Variants in COL24A1 observed in about 807,000 individuals in gnomAD.
COL24A1 encodes collagen type XXIV alpha 1 chain, also known as collagen alpha-1(XXIV) chain.
A neutral mutation model predicts 253.9 loss-of-function variants in COL24A1; 224 were observed. The ratio of observed to expected loss-of-function variants is 0.88; its 90% CI spans 0.79 to 0.99. The LOEUF is 0.99. Among genes scored for constraint, COL24A1 ranks in the 50% least tolerant of loss-of-function variants. COL24A1 has a pLI of 0.00. For missense variants in COL24A1, 2,131 were observed against 2,068.5 expected (o/e 1.03, Z -0.59); for synonymous variants, 685 against 673.7 (o/e 1.02, Z -0.26).
chr1:86,111,026 C>T (rs1234107676), intron 5 of COL24A1, among the ~76,000 whole-genome samples: 1 of 152,212 alleles, frequency 6.6e-6, no homozygotes, highest in Non-Finnish European at 1.5e-5. Flanking sequence ...ATGGTGGGGA[C>T]TTGGAGAACT....
At chr1:86,104,119 A>G (rs912991784) in intron 5 of COL24A1, among the ~76,000 whole-genome samples, 8 of 151,766 alleles carry the variant, frequency 5.3e-5, no homozygotes, top group Admixed American at 2.6e-4. Context: ...TGACTGTCTT[A>G]TTTCAGAAAG....
At chr1:85,748,556 C>T (rs561985467) in intron 55 of COL24A1, among the ~76,000 whole-genome samples, 5 of 152,048 alleles carry the variant, frequency 3.3e-5, no homozygotes, top group South Asian at 2.1e-4. Flanking sequence ...GGAACAGCTC[C>T]GGTCTACAGC....
At chr1:86,066,136 G>C (rs1194044392) in intron 7 of COL24A1, among the ~76,000 whole-genome samples, 1 of 151,556 alleles carries the variant, frequency 6.6e-6, no homozygotes, top group African/African-American at 2.4e-5. Context: ...TCATATTACA[G>C]TACCTAGTTT....
Position 85,734,756 on chromosome 1 carries a change from T to C in COL24A1, c.4991A>G (p.Asp1664Gly). The C allele has an allele frequency of 6.2e-7, 1 of 1,613,936 alleles. No homozygotes were observed. Residue 1664 changes from aspartate to glycine, a missense_variant, in exon 59 of 60, where the codon GAC becomes GGC. Asp to Gly is a moderately conservative substitution (Grantham distance 94). Transcript: ENST00000370571. Reference protein sequence around the residue: ...TLLEPKVLSDDCKIQDGSWHK... With the variant: ...TLLEPKVLSDGCKIQDGSWHK... Reference sequence around the variant, plus strand: ...AAAGTGCCATTTCCTTACCTTGCAGTCATCTGAAAGCACTTTAGGTTCAAG... The same window carrying C: ...AAAGTGCCATTTCCTTACCTTGCAGCCATCTGAAAGCACTTTAGGTTCAAG...
chr1:85,906,185 T>C (rs1684796029), intron 28 of COL24A1, among the ~76,000 whole-genome samples: 2 of 149,400 alleles, frequency 1.3e-5, no homozygotes, highest in African/African-American at 4.9e-5. Context: ...AAACACAGGA[T>C]ATGACTTTGA....
intron 2 of COL24A1, among the ~76,000 whole-genome samples, chr1:86,139,145 G>A (rs1650704355): frequency 7.3e-6 from 1 of 137,868 alleles, no homozygotes; most frequent in African/African-American, 2.6e-5. Flanking sequence ...GTTATCACAA[G>A]TTAGAATAAA....
chr1:85,754,649 T>C (rs1666016005), intron 55 of COL24A1, among the ~76,000 whole-genome samples: 1 of 144,148 alleles, frequency 6.9e-6, no homozygotes, highest in Non-Finnish European at 1.5e-5. Context: ...AAGAACCAAA[T>C]AGAAATTCTG....
chr1:86,156,708 G>A lies in COL24A1; in HGVS notation c.-312C>T, dbSNP rs1653676428. 1 of 253,644 alleles carries A rather than the reference G, an allele frequency of 3.9e-6. No homozygotes were observed. The highest frequency in any genetic ancestry group is 2.2e-5 in the African/African-American group (1 of 44,736). The allele number at this position is 253,644 out of a possible 1,614,324, so 15.7% of individuals were successfully genotyped here. ...GGCCTCGGGGCGCCGGCGGCAGCGG[G>A]AGCCGGGCTGCTAGTGCAGCACTCA... On this transcript the variant is annotated 5_prime_UTR_variant, in exon 1 of 60. Coordinates refer to ENST00000370571, the MANE Select transcript of COL24A1 (RefSeq NM_152890.7).
chr1:86,046,923 T>C (rs190145605), intron 11 of COL24A1, 54 bp from the exon 12 acceptor site: 1 of 981,708 alleles, frequency 1.0e-6, no homozygotes, highest in African/African-American at 1.6e-5. Context: ...AATTAGGTAC[T>C]ATAGATCTTT....
intron 5 of COL24A1, among the ~76,000 whole-genome samples, chr1:86,102,038 G>A (rs1487808587): frequency 6.6e-6 from 1 of 151,406 alleles, no homozygotes; most frequent in Admixed American, 6.6e-5. Context: ...ACCAAAAAAA[G>A]GCTATTTATT....
At chr1:86,017,275 T>C in intron 18 of COL24A1, 71 bp from the exon 19 acceptor site, 1 of 1,293,180 alleles carries the variant, frequency 7.7e-7, no homozygotes, top group Non-Finnish European at 1.1e-6. Flanking sequence ...GAAACAGGCA[T>C]ATGGTAAACA....
At chr1:85,866,974 C>T (rs983230487) in intron 37 of COL24A1, among the ~76,000 whole-genome samples, 2 of 152,140 alleles carry the variant, frequency 1.3e-5, no homozygotes, top group African/African-American at 4.8e-5. Flanking sequence ...GGTTTATCTT[C>T]ATTCTTCAAA....
intron 52 of COL24A1, among the ~76,000 whole-genome samples, chr1:85,780,558 T>A (rs988283646): frequency 2.0e-5 from 3 of 152,164 alleles, no homozygotes; most frequent in African/African-American, 7.2e-5. Flanking sequence ...GAAAGAGCGC[T>A]GGTCTTGAAG....
chr1:86,115,588 G>A (rs576611053), intron 3 of COL24A1, among the ~76,000 whole-genome samples: 2 of 152,304 alleles, frequency 1.3e-5, no homozygotes, highest in South Asian at 4.1e-4. Flanking sequence ...AGAAATGGCA[G>A]CAGGAAGTCT....
intron 53 of COL24A1, among the ~76,000 whole-genome samples, chr1:85,764,794 T>G (rs1164128165): frequency 6.6e-6 from 1 of 152,128 alleles, no homozygotes; most frequent in Non-Finnish European, 1.5e-5. Context: ...AAATTTTCTT[T>G]AAAGACGGGA....
At chr1:85,824,309 A>C (rs1673983570) in intron 43 of COL24A1, among the ~76,000 whole-genome samples, 1 of 152,138 alleles carries the variant, frequency 6.6e-6, no homozygotes, top group Non-Finnish European at 1.5e-5. Flanking sequence ...GGCCCTGTTG[A>C]TCCCTTGATT....
rs755465956 is a variant in COL24A1 at position 86,124,994 on chromosome 1, T to C, written c.1342A>G (p.Arg448Gly). ...TCAGGATAAAATTCACCTTCTTTCC[T>C]TAGATCAAGGTGATTATCCACAGAT... ...EPSVDNHLDLRKEGEFYPDAT... is the reference protein window; with the variant it reads ...EPSVDNHLDLGKEGEFYPDAT... Residue 448 changes from arginine (R) to glycine (G), a missense_variant, in exon 3 of 60, where the codon AGG becomes GGG. Physicochemically the swap from Arg to Gly is moderately radical, Grantham distance 125. Coordinates refer to ENST00000370571, the MANE Select transcript of COL24A1 (RefSeq NM_152890.7). 1 of 1,613,252 alleles carries C rather than the reference T, an allele frequency of 6.2e-7. No homozygotes were observed. Among genetic ancestry groups the C allele is most frequent in the Admixed American group, 1.7e-5 (1 of 59,836 alleles).
At chr1:85,771,642 G>A (rs1558060031) in intron 53 of COL24A1, among the ~76,000 whole-genome samples, 1 of 152,036 alleles carries the variant, frequency 6.6e-6, no homozygotes, top group Non-Finnish European at 1.5e-5. Flanking sequence ...GGGTCAAATG[G>A]TATTTCTAGT....
intron 43 of COL24A1, among the ~76,000 whole-genome samples, chr1:85,828,586 G>C (rs886481974): frequency 6.6e-6 from 1 of 151,020 alleles, no homozygotes; most frequent in Non-Finnish European, 1.5e-5. Context: ...CTCAGGACTT[G>C]CTTTGTGAAT....
Sources: allele counts gnomAD v4.1 joint callset (sites outside exome capture counted in the v4.1 genomes callset), GRCh38; gene constraint gnomAD v4.1.1; transcripts MANE v1.5; gene names NCBI Gene and HGNC (gene_info 2026-07-23, HGNC 2026-07-21).